Variants in EPHX2 observed in about 807,000 individuals in gnomAD.
The protein encoded by EPHX2 is bifunctional epoxide hydrolase 2.
EPHX2 carries 74 observed loss-of-function variants against 78.7 expected under a neutral mutation model. The observed-to-expected ratio is 0.94, with a 90% CI of 0.78 to 1.14. The LOEUF (loss-of-function observed/expected upper bound fraction) is 1.14, where lower values mean the gene tolerates loss of function less well. Ranked by LOEUF, EPHX2 falls within the 50% of genes most tolerant of loss-of-function variation. The pLI is 0.00. For missense variants in EPHX2, 715 were observed against 702.5 expected, an observed-to-expected ratio of 1.02 and a Z score of -0.20; for synonymous variants, 251 against 255.2, an observed-to-expected ratio of 0.98 and a Z score of 0.16.
intron 5 of EPHX2, among the ~76,000 whole-genome samples, chr8:27,508,946 C>CTTTTTT (rs34748947): frequency 0.011 from 730 of 64,308 alleles, 73 homozygotes; most frequent in Middle Eastern, 0.026. Context: ...CCCCATCCTG[C>CTTTTTT]TTTTTTTTTT....
At chr8:27,494,248 A>T (rs1813491850) in intron 1 of EPHX2, among the ~76,000 whole-genome samples, 1 of 152,150 alleles carries the variant, frequency 6.6e-6, no homozygotes, top group African/African-American at 2.4e-5. Flanking sequence ...GTTGTGTTGG[A>T]TGCATAAAAG....
intron 1 of EPHX2, among the ~76,000 whole-genome samples, chr8:27,494,149 G>C (rs984246332): frequency 6.6e-6 from 1 of 152,192 alleles, no homozygotes; most frequent in Admixed American, 6.5e-5. Context: ...GGTGACTCAG[G>C]AGTTACTATG....
rs373619581 is a variant in EPHX2 at position 27,518,090 on chromosome 8, T to C, written c.945+18T>C. 1.9e-6 allele frequency: 3 copies of C among 1,594,890 alleles called. No homozygotes were observed. The African/African-American group carries it at 4.1e-5, about 22-fold the overall frequency. On this transcript the variant is annotated intron_variant, in intron 9 of 18. Transcript: ENST00000521400. ...TATGTAAGGTAAGAAGAATCTTGGG[T>C]AACATCTTCCCCATCCTGCGATTTT...
chr8:27,508,258 G>A (rs1021090802), intron 5 of EPHX2, among the ~76,000 whole-genome samples: 19 of 152,182 alleles, frequency 1.2e-4, no homozygotes, highest in African/African-American at 4.1e-4. Context: ...ATTCAAGATC[G>A]TGCTACTGCA....
rs748687158 is a variant in EPHX2 at position 27,500,929 on chromosome 8, A to T, written c.105A>T (p.Gly35=). The part of the protein sequence containing the change: ...RTEEALALPR[G]LLNDAFQKGG... ...TGATGTTCTTTGTGTTTTCCAGAGG[A>T]CTTCTGAATGATGCTTTCCAGAAAG... Residue 35 remains glycine (G), a synonymous_variant, in exon 2 of 19, where the codon GGA becomes GGT. Coordinates refer to ENST00000521400, the MANE Select transcript of EPHX2 (RefSeq NM_001979.6). 6.2e-7 allele frequency: 1 copy of T among 1,612,422 alleles called. No individual in the cohort carries two copies. Among genetic ancestry groups the T allele is most frequent in the African/African-American group, 1.3e-5 (1 of 74,800 alleles).
In EPHX2 at chr8:27,543,614, A is replaced by G; in HGVS notation, c.1450-135A>G. 6.4e-6 allele frequency: 5 copies of G among 781,356 alleles called. No homozygotes were observed. In the South Asian group the frequency reaches 8.6e-5, roughly 13 times the overall value. 48.4% of individuals were successfully genotyped at this position (781,356 alleles called of 1,614,324 possible). The stretch of plus-strand genomic sequence containing the variant: ...ATTTTAAAGATCTCCAGTAATAACC[A>G]CGAGTCTGTTGTGCAAAGTTCGGCA... On this transcript the variant is annotated intron_variant, in intron 16 of 18. Coordinates refer to ENST00000521400, the MANE Select transcript of EPHX2 (RefSeq NM_001979.6).
intron 5 of EPHX2, among the ~76,000 whole-genome samples, chr8:27,508,773 C>T (rs1018518168): frequency 1.1e-4 from 17 of 152,018 alleles, no homozygotes; most frequent in African/African-American, 3.1e-4. Flanking sequence ...TGTGCGCGCA[C>T]GCACGTGTGT....
intron 12 of EPHX2, among the ~76,000 whole-genome samples, chr8:27,528,395 G>A (rs1814919532): frequency 6.6e-6 from 1 of 152,168 alleles, no homozygotes; most frequent in South Asian, 2.1e-4. Flanking sequence ...ACAGAGCTGG[G>A]ACTGGAGGAG....
At position 27,503,662 on chromosome 8, in the gene EPHX2, T is replaced by A. The variant is rs369978603; in HGVS notation, c.245T>A (p.Leu82His). The change falls in exon 3 of 19, where the codon CTC (leucine) becomes CAC (histidine). Residue 82 changes from leucine (L) to histidine (H), a missense_variant. Coordinates refer to ENST00000521400, the MANE Select transcript of EPHX2 (RefSeq NM_001979.6). ...RKCSETAKVC[L>H]PKNFSIKEIF... ...TGCTCCGAGACCGCTAAAGTCTGCC[T>A]CCCCAAGAATTTCTCCATAAAAGAA... 7.1e-5 allele frequency: 114 copies of A among 1,613,792 alleles called. No individual in the cohort carries two copies. Among genetic ancestry groups the A allele is most frequent in the Non-Finnish European group, 9.2e-5 (109 of 1,179,970 alleles).
intron 12 of EPHX2, among the ~76,000 whole-genome samples, chr8:27,532,200 TCCTCAC>T: frequency 6.6e-6 from 1 of 151,928 alleles, no homozygotes; most frequent in East Asian, 1.9e-4. Context: ...CCCCTTTCCC[TCCTCAC>T]CCTCTCCCCT....
At chr8:27,524,310 G>C (rs1265679641) in intron 11 of EPHX2, among the ~76,000 whole-genome samples, 1 of 151,996 alleles carries the variant, frequency 6.6e-6, no homozygotes, top group Non-Finnish European at 1.5e-5. Context: ...GGATTCCCAG[G>C]TTCTGGCCTC....
chr8:27,517,972 C>G, intron 8 of EPHX2, 66 bp from the exon 9 acceptor site: 1 of 1,320,968 alleles, frequency 7.6e-7, no homozygotes, highest in South Asian at 1.3e-5. Context: ...CAAAAAGGTC[C>G]TTTTGATGTG....
At chr8:27,493,751 C>T (rs1488458276) in intron 1 of EPHX2, among the ~76,000 whole-genome samples, 1 of 152,136 alleles carries the variant, frequency 6.6e-6, no homozygotes, top group African/African-American at 2.4e-5. Flanking sequence ...TATGCCTTGG[C>T]TGGGTAGAAT....
At chr8:27,527,353 T>G (rs1814882537) in intron 12 of EPHX2, among the ~76,000 whole-genome samples, 1 of 152,232 alleles carries the variant, frequency 6.6e-6, no homozygotes, top group African/African-American at 2.4e-5. Flanking sequence ...TGTGAGCTAC[T>G]GCACATGGCC....
At chr8:27,503,012 G>A (rs1200185236) in intron 2 of EPHX2, among the ~76,000 whole-genome samples, 1 of 152,146 alleles carries the variant, frequency 6.6e-6, no homozygotes, top group Non-Finnish European at 1.5e-5. Context: ...AACCCCCAAG[G>A]TGATGTTATT....
intron 16 of EPHX2, among the ~76,000 whole-genome samples, 176 bp downstream of exon 16, chr8:27,541,718 T>C (rs1045704549): frequency 6.6e-6 from 1 of 152,178 alleles, no homozygotes; most frequent in Non-Finnish European, 1.5e-5. Context: ...CCTAGGATCT[T>C]TCTTGCTGGT....
chr8:27,546,933 CA>C (rs1354923506), downstream of EPHX2, among the ~76,000 whole-genome samples: 2 of 152,132 alleles, frequency 1.3e-5, no homozygotes, highest in Non-Finnish European at 2.9e-5. Context: ...AGAAAACTTA[CA>C]ATCATGGCAG....
chr8:27,509,887 T>C (rs975215787), intron 5 of EPHX2, among the ~76,000 whole-genome samples: 2 of 152,172 alleles, frequency 1.3e-5, no homozygotes, highest in African/African-American at 4.8e-5. Flanking sequence ...CCCCCCACTT[T>C]TCCCACCCCC....
At chr8:27,522,091 G>A (rs1288822550) in intron 10 of EPHX2, among the ~76,000 whole-genome samples, 1 of 151,936 alleles carries the variant, frequency 6.6e-6, no homozygotes, top group African/African-American at 2.4e-5. Flanking sequence ...AGATGCACAT[G>A]GAACATGAAG....
Sources: gnomAD v4.1 joint callset for allele counts (sites outside exome capture counted in the v4.1 genomes callset) on GRCh38, gnomAD v4.1.1 for gene constraint, MANE v1.5 for transcripts, NCBI Gene and HGNC (gene_info 2026-07-23, HGNC 2026-07-21) for gene names.